IMPA1: variants seen among roughly 807,000 people sequenced by gnomAD.
IMPA1 encodes the protein D-galactose 1-phosphate phosphatase.
IMPA1 carries 21 observed loss-of-function variants against 34.9 expected under a neutral mutation model. The ratio of observed to expected loss-of-function variants is 0.60; its 90% CI spans 0.43 to 0.87. The LOEUF (loss-of-function observed/expected upper bound fraction) is 0.87. IMPA1 is among the 40% of genes least tolerant of loss of function. IMPA1 has a pLI of 0.00. For synonymous variants in IMPA1, 95 were observed against 104.4 expected (o/e 0.91, Z 0.55); for missense variants, 299 against 336.4 (o/e 0.89, Z 0.87).
At chr8:81,685,461 T>A (rs888098778) in intron 1 of IMPA1, among the ~76,000 whole-genome samples, 1 of 142,422 alleles carries the variant, frequency 7.0e-6, no homozygotes, top group Admixed American at 7.2e-5. Flanking sequence ...TATATATAAG[T>A]ATATATACCT....
chr8:81,660,426 A>C (rs1293104596), intron 8 of IMPA1, 90 bp downstream of exon 8: 1 of 1,145,186 alleles, frequency 8.7e-7, no homozygotes, highest in Admixed American at 1.9e-5. Flanking sequence ...AAACTGCAGT[A>C]TAACATATAT....
chr8:81,683,006 A>G (rs1807345650), intron 1 of IMPA1, among the ~76,000 whole-genome samples: 1 of 152,216 alleles, frequency 6.6e-6, no homozygotes, highest in Non-Finnish European at 1.5e-5. Flanking sequence ...AAGGAGAAGA[A>G]GTGCAATGAG....
rs568803738 is a variant in IMPA1 at position 81,661,028 on chromosome 8, C to A, written c.567-361G>T. ...TTATTTTACACACATATACACATAC[C>A]CACAATGCAAATAGTCTCTAGGAGG... is the stretch of plus-strand genomic sequence containing the variant. On this transcript the variant is annotated intron_variant, in intron 7 of 8. Coordinates refer to ENST00000256108, the MANE Select transcript of IMPA1 (RefSeq NM_005536.4). Among the ~76,000 whole-genome samples the A allele has an allele frequency of 9.9e-5, 15 of 151,976 alleles. No individual in the cohort carries two copies. In the South Asian group the frequency reaches 3.1e-3, roughly 32 times the overall value.
In IMPA1 at chr8:81,660,448, T is replaced by C. The variant is rs1028903070; in HGVS notation, c.718+68A>G. The C allele has an allele frequency of 3.4e-6, 5 of 1,481,624 alleles. No homozygotes were observed. In the African/African-American group the frequency reaches 5.6e-5, roughly 17 times the overall value. The allele number at this position is 1,481,624 out of a possible 1,614,324, so 91.8% of individuals were successfully genotyped here. ...AGTATAACATATATCAAAAAGTTTTTTAAATTCTACATATGGACAAAAGTC... is the reference window on the plus strand; with the variant it reads ...AGTATAACATATATCAAAAAGTTTTCTAAATTCTACATATGGACAAAAGTC... On this transcript the variant is annotated intron_variant, in intron 8 of 8. Transcript: ENST00000256108.
chr8:81,670,092 T>C (rs7829206), intron 7 of IMPA1, among the ~76,000 whole-genome samples: 4,006 of 152,288 alleles, frequency 0.026, 165 homozygotes, highest in African/African-American at 0.089. Flanking sequence ...AGAAATAAAT[T>C]CCTTTTCTTT....
intron 5 of IMPA1, 92 bp downstream of exon 5, chr8:81,676,142 G>T: frequency 1.9e-6 from 1 of 522,244 alleles, no homozygotes; most frequent in South Asian, 4.5e-5. Context: ...CAAATATACA[G>T]ACAAACCTGA....
At chr8:81,662,134 A>T (rs1411621849) in intron 7 of IMPA1, among the ~76,000 whole-genome samples, 1 of 152,200 alleles carries the variant, frequency 6.6e-6, no homozygotes, top group Non-Finnish European at 1.5e-5. Flanking sequence ...AAATTTGAGA[A>T]AGTAGTAGTA....
In IMPA1 at chr8:81,681,525, T is replaced by C. The variant is rs758521293; in HGVS notation, c.36A>G (p.Ala12=). ...CTCCAGCTTGTCTTGCTAGAGTTAC[T>C]GCATAATCCATGCATTCCTGCCAAG... is the stretch of plus-strand genomic sequence containing the variant. The part of the protein sequence containing the change: ...ADPWQECMDY[A]VTLARQAGEV... Residue 12 remains alanine, a synonymous_variant, in exon 2 of 9, where the codon GCA becomes GCG. Coordinates refer to ENST00000256108, the MANE Select transcript of IMPA1 (RefSeq NM_005536.4). 1.2e-6 allele frequency: 2 copies of C among 1,605,738 alleles called. No homozygotes were observed. The highest frequency in any genetic ancestry group is 1.1e-5 in the South Asian group (1 of 90,924).
At position 81,680,698 on chromosome 8, in the gene IMPA1, A is replaced by G. The variant is rs1337395359; in HGVS notation, c.149T>C (p.Val50Ala). 2.5e-6 allele frequency: 4 copies of G among 1,612,776 alleles called. No individual in the cohort carries two copies. In the South Asian group the frequency reaches 4.4e-5, roughly 18 times the overall value. Residue 50 changes from valine to alanine, a missense_variant, in exon 3 of 9, where the codon GTT (valine) becomes GCT (alanine). Coordinates refer to ENST00000256108, the MANE Select transcript of IMPA1 (RefSeq NM_005536.4). ...VDLVTATDQK[V>A]EKMLISSIKE... ...TATGGAAGAGATAAGCATTTTTTCA[A>G]CTTTTTGGTCCGTAGCAGTTACCAA...
At chr8:81,660,734 A>C in intron 7 of IMPA1, 67 bp from the exon 8 acceptor site, 1 of 1,331,562 alleles carries the variant, frequency 7.5e-7, no homozygotes, top group Non-Finnish European at 1.0e-6. Context: ...TTCCTCCTTA[A>C]CTTCACTTTA....
chr8:81,682,702 C>A (rs911726427), intron 1 of IMPA1, among the ~76,000 whole-genome samples: 6 of 152,052 alleles, frequency 3.9e-5, no homozygotes, highest in African/African-American at 1.2e-4. Context: ...TCAAGCTGTA[C>A]CTGCTTTCCT....
intron 1 of IMPA1, 166 bp downstream of exon 1, chr8:81,686,086 A>G (rs1807515819): frequency 5.4e-6 from 5 of 931,398 alleles, no homozygotes; most frequent in East Asian, 6.9e-5. Context: ...CGCCCAGGGC[A>G]GCTCCGGATA....
At chr8:81,677,267 G>T (rs2130305193) in intron 4 of IMPA1, among the ~76,000 whole-genome samples, 1 of 152,162 alleles carries the variant, frequency 6.6e-6, no homozygotes, top group African/African-American at 2.4e-5. Context: ...GGCTAATTTT[G>T]TATTTTACGT....
At chr8:81,682,335 T>C (rs1807325278) in intron 1 of IMPA1, among the ~76,000 whole-genome samples, 1 of 152,196 alleles carries the variant, frequency 6.6e-6, no homozygotes, top group African/African-American at 2.4e-5. Context: ...CTTTTTAAGC[T>C]GTCAGACTAA....
At chr8:81,666,592 G>C (rs1022225055) in intron 7 of IMPA1, among the ~76,000 whole-genome samples, 1 of 152,006 alleles carries the variant, frequency 6.6e-6, no homozygotes, top group Non-Finnish European at 1.5e-5. Context: ...AGAAAGCAGG[G>C]GCCAGGCACA....
chr8:81,676,718 G>A (rs745548536), intron 4 of IMPA1, among the ~76,000 whole-genome samples: 3 of 152,178 alleles, frequency 2.0e-5, no homozygotes, highest in South Asian at 2.1e-4. Context: ...CACGCACAGC[G>A]GCTCACTCCT....
Position 81,658,357 on chromosome 8 carries a change from A to C in IMPA1, c.*994T>G, listed in dbSNP as rs1456805788. ...AAAGGCTGAACAGAATCCAGCGGCAATGAAGTTAATTAAATAAGAAGACTA... is the reference window on the plus strand; with the variant it reads ...AAAGGCTGAACAGAATCCAGCGGCACTGAAGTTAATTAAATAAGAAGACTA... On this transcript the variant is annotated 3_prime_UTR_variant, in exon 9 of 9. Coordinates refer to ENST00000256108, the MANE Select transcript of IMPA1 (RefSeq NM_005536.4). 3 of 152,226 alleles carry C rather than the reference A, an allele frequency of 2.0e-5. No individual in the cohort carries two copies. Among genetic ancestry groups the C allele is most frequent in the Admixed American group, 6.5e-5 (1 of 15,288 alleles). The allele number at this position is 152,226 out of a possible 1,614,324, so 9.4% of individuals were successfully genotyped here.
chr8:81,680,115 A>G (rs1443612956), intron 3 of IMPA1, among the ~76,000 whole-genome samples: 8 of 146,992 alleles, frequency 5.4e-5, no homozygotes, highest in Admixed American at 5.4e-4. Context: ...AGCCTGCCTG[A>G]CAGAGCGTGT....
At chr8:81,666,257 C>A (rs1255626803) in intron 7 of IMPA1, among the ~76,000 whole-genome samples, 1 of 151,814 alleles carries the variant, frequency 6.6e-6, no homozygotes, top group Non-Finnish European at 1.5e-5. Context: ...ACAAAAGAAA[C>A]CTGCTGGAAT....
Sources: allele counts gnomAD v4.1 joint callset (sites outside exome capture counted in the v4.1 genomes callset), GRCh38; gene constraint gnomAD v4.1.1; transcripts MANE v1.5; gene names NCBI Gene and HGNC (gene_info 2026-07-23, HGNC 2026-07-21).